Variants in HYDIN observed in about 807,000 individuals in gnomAD.
HYDIN encodes axonemal central pair apparatus protein HYDIN.
HYDIN carries 132 observed loss-of-function variants against 403.9 expected under a neutral mutation model. The observed-to-expected ratio is 0.33, with a 90% CI of 0.28 to 0.38. The LOEUF (loss-of-function observed/expected upper bound fraction) is 0.38, where lower values mean the gene tolerates loss of function less well. Among genes scored for constraint, HYDIN ranks in the 10% least tolerant of loss-of-function variants. The probability of loss-of-function intolerance (pLI) is 1.00; values close to 1 mark genes in which losing one functional copy is unlikely to be tolerated. For missense variants in HYDIN, 2,827 were observed against 5,009.5 expected (o/e 0.56, Z 13.15); for synonymous variants, 1,202 against 1,891.7 (o/e 0.64, Z 9.46).
chr16:70,949,609 A>C (rs1358404103), intron 41 of HYDIN, among the ~76,000 whole-genome samples: 1 of 152,212 alleles, frequency 6.6e-6, no homozygotes, highest in Non-Finnish European at 1.5e-5. Context: ...CCCATTTGCA[A>C]CATGACTGAA....
chr16:70,921,894 C>A (rs552276564), intron 45 of HYDIN, among the ~76,000 whole-genome samples: 1 of 152,214 alleles, frequency 6.6e-6, no homozygotes. Flanking sequence ...CAACTTTATT[C>A]TTTTTCTTAC....
At chr16:70,998,506 T>C (rs943879444) in intron 23 of HYDIN, among the ~76,000 whole-genome samples, 6 of 145,298 alleles carry the variant, frequency 4.1e-5, no homozygotes, top group Non-Finnish European at 8.9e-5. Flanking sequence ...GTTCCTAATT[T>C]ATAATCTGAT....
intron 12 of HYDIN, among the ~76,000 whole-genome samples, chr16:71,084,684 G>A (rs12149964): frequency 1.6e-3 from 237 of 144,900 alleles, no homozygotes; most frequent in African/African-American, 5.9e-3. Context: ...CCACCACACC[G>A]GGCCTATCCA....
intron 44 of HYDIN, among the ~76,000 whole-genome samples, chr16:70,936,881 G>T (rs2077508853): frequency 6.6e-6 from 1 of 151,434 alleles, no homozygotes; most frequent in Non-Finnish European, 1.5e-5. Flanking sequence ...TCAGAGCCAT[G>T]GTGCTCAGTC....
chr16:71,009,636 G>A (rs2080010082), intron 23 of HYDIN, among the ~76,000 whole-genome samples: 1 of 151,680 alleles, frequency 6.6e-6, no homozygotes, highest in African/African-American at 2.4e-5. Context: ...ATTAAGTTGA[G>A]GATCTAGAGA....
chr16:71,175,533 C>A, intron 5 of HYDIN, 74 bp downstream of exon 5: 1 of 1,497,718 alleles, frequency 6.7e-7, no homozygotes, highest in Non-Finnish European at 9.2e-7. Context: ...AGCACTACCG[C>A]CTCTGTAAAT....
intron 10 of HYDIN, among the ~76,000 whole-genome samples, chr16:71,098,484 G>T (rs907580603): frequency 6.6e-6 from 1 of 151,696 alleles, no homozygotes; most frequent in Non-Finnish European, 1.5e-5. Flanking sequence ...TTACAGGCGT[G>T]AGCCACCGCG....
At chr16:71,213,668 T>A (rs1391633284) in intron 1 of HYDIN, among the ~76,000 whole-genome samples, 4 of 152,080 alleles carry the variant, frequency 2.6e-5, no homozygotes, top group Non-Finnish European at 5.9e-5. Context: ...AGTTCAACAT[T>A]CAACAAAAAT....
At chr16:70,983,991 T>TA (rs1182518408) in intron 28 of HYDIN, among the ~76,000 whole-genome samples, 7 of 152,166 alleles carry the variant, frequency 4.6e-5, no homozygotes, top group Non-Finnish European at 1.0e-4. Flanking sequence ...TGAATAGTCT[T>TA]ACATTTTTTC....
intron 1 of HYDIN, among the ~76,000 whole-genome samples, chr16:71,189,339 T>C (rs1411148641): frequency 6.6e-6 from 1 of 152,152 alleles, no homozygotes; most frequent in East Asian, 1.9e-4. Context: ...GTGTTTTACA[T>C]ATCAAAAATG....
At chr16:70,922,207 A>C (rs1409122515) in intron 45 of HYDIN, among the ~76,000 whole-genome samples, 1 of 152,176 alleles carries the variant, frequency 6.6e-6, no homozygotes, top group Admixed American at 6.5e-5. Flanking sequence ...GGGAGGCAGC[A>C]ACACTGCAGG....
At chr16:71,040,488 C>A (rs1047823309) in intron 18 of HYDIN, among the ~76,000 whole-genome samples, 12 of 138,710 alleles carry the variant, frequency 8.7e-5, no homozygotes, top group African/African-American at 3.2e-4. Context: ...CCTCCCCGCA[C>A]CCCCCTCCCC....
chr16:71,151,642 T>C (rs2085541330), intron 7 of HYDIN, among the ~76,000 whole-genome samples: 1 of 151,718 alleles, frequency 6.6e-6, no homozygotes, highest in South Asian at 2.1e-4. Context: ...TGTGCGCCTC[T>C]GTTTTCTCCC....
chr16:70,851,380 CA>C (rs1342387623), intron 73 of HYDIN, among the ~76,000 whole-genome samples: 1 of 151,602 alleles, frequency 6.6e-6, no homozygotes, highest in East Asian at 1.9e-4. Flanking sequence ...ATTGAACAAG[CA>C]AAAAACAAGT....
chr16:71,139,658 T>C lies in HYDIN; in HGVS notation c.842-2306A>G, dbSNP rs537824208. On this transcript the variant is annotated intron_variant, in intron 7 of 85. Transcript: ENST00000393567. ...TAATTTTATTATTTTTCATGACAAA[T>C]TAGTGAAATGGGAGGTAGTTCAGAA... Among the ~76,000 whole-genome samples, 7 of 151,834 alleles carry C rather than the reference T, an allele frequency of 4.6e-5. No homozygotes were observed. The South Asian group carries it at 6.2e-4, about 14-fold the overall frequency.
Position 70,964,709 on chromosome 16 carries a change from C to G in HYDIN, c.5788+19G>C. The G allele has an allele frequency of 1.2e-6, 2 of 1,612,498 alleles. No homozygotes were observed. The highest frequency in any genetic ancestry group is 1.7e-4 in the Middle Eastern group (1 of 6,054). Reference sequence around the variant, plus strand: ...AAGGCAATGGTTAGCATGAGGTGTTCTCCACATTGAGTTCTCACCATTCTC... The same window carrying G: ...AAGGCAATGGTTAGCATGAGGTGTTGTCCACATTGAGTTCTCACCATTCTC... On this transcript the variant is annotated intron_variant, in intron 37 of 85. Coordinates refer to ENST00000393567, the MANE Select transcript of HYDIN (RefSeq NM_001270974.2).
chr16:71,180,611 A>T (rs763214184), intron 3 of HYDIN, among the ~76,000 whole-genome samples: 2 of 107,518 alleles, frequency 1.9e-5, no homozygotes, highest in Non-Finnish European at 3.5e-5. Context: ...AGACAGATAG[A>T]CAGATAGATG....
intron 18 of HYDIN, among the ~76,000 whole-genome samples, chr16:71,048,856 CCT>C (rs1184049896): frequency 2.6e-5 from 4 of 152,096 alleles, no homozygotes; most frequent in Admixed American, 6.5e-5. Context: ...CACATGTACC[CCT>C]GAATCTAAAG....
chr16:71,230,328 T>G (rs1405887703), intron 1 of HYDIN, among the ~76,000 whole-genome samples: 1 of 152,188 alleles, frequency 6.6e-6, no homozygotes, highest in Non-Finnish European at 1.5e-5. Flanking sequence ...ACCTCAGGCC[T>G]TCTGCCCTTC....
Sources: allele counts gnomAD v4.1 joint callset (sites outside exome capture counted in the v4.1 genomes callset), GRCh38; gene constraint gnomAD v4.1.1; transcripts MANE v1.5; gene names NCBI Gene and HGNC (gene_info 2026-07-23, HGNC 2026-07-21).